The following CNBD1 variants were observed in gnomAD, a reference collection of about 807,000 sequenced individuals.
CNBD1 encodes cyclic nucleotide-binding domain-containing protein 1.
CNBD1 carries 71 observed loss-of-function variants against 54.4 expected under a neutral mutation model. The observed-to-expected ratio is 1.30, with a 90% CI of 1.08 to 1.59. The LOEUF is 1.59. CNBD1 is among the 40% of genes most tolerant of loss of function. The pLI, the probability that CNBD1 is intolerant of heterozygous loss-of-function variation, is 0.00. For missense variants in CNBD1, 659 were observed against 518.0 expected (o/e 1.27, Z -2.64); for synonymous variants, 182 against 170.7 (o/e 1.07, Z -0.51).
chr8:87,359,993 A>G (rs1267013265), intron 10 of CNBD1, among the ~76,000 whole-genome samples: 1 of 152,070 alleles, frequency 6.6e-6, no homozygotes, highest in Non-Finnish European at 1.5e-5. Context: ...TTTTAGAACT[A>G]TAAAGGTATT....
intron 4 of CNBD1, among the ~76,000 whole-genome samples, chr8:87,063,840 T>C (rs1035626766): frequency 4.6e-5 from 7 of 152,178 alleles, no homozygotes; most frequent in African/African-American, 1.7e-4. Context: ...GAATTATTTC[T>C]AGCAGTTTTA....
intron 2 of CNBD1, among the ~76,000 whole-genome samples, chr8:87,411,803 A>C (rs1807751053): frequency 6.6e-6 from 1 of 151,902 alleles, no homozygotes; most frequent in Non-Finnish European, 1.5e-5. Context: ...TTGATATGAT[A>C]AATGCCATCT....
At chr8:87,363,824 A>T (rs1209663327) in intron 10 of CNBD1, among the ~76,000 whole-genome samples, 2 of 152,018 alleles carry the variant, frequency 1.3e-5, no homozygotes, top group Non-Finnish European at 2.9e-5. Context: ...CTCTGATGAT[A>T]GTTTCTTTTG....
intron 2 of CNBD1, among the ~76,000 whole-genome samples, chr8:87,414,708 T>G (rs1807808477): frequency 1.3e-5 from 2 of 152,062 alleles, no homozygotes; most frequent in African/African-American, 4.8e-5. Context: ...TTGTTATGTA[T>G]TTTTCTTTAT....
intron 4 of CNBD1, among the ~76,000 whole-genome samples, chr8:86,951,754 C>T (rs1221080968): frequency 1.3e-5 from 2 of 151,524 alleles, no homozygotes; most frequent in Non-Finnish European, 2.9e-5. Flanking sequence ...GCTAAATTTT[C>T]TTTAATCATT....
At chr8:87,195,353 CA>C (rs1177353520) in intron 4 of CNBD1, among the ~76,000 whole-genome samples, 1 of 151,204 alleles carries the variant, frequency 6.6e-6, no homozygotes, top group Non-Finnish European at 1.5e-5. Context: ...CTCAGCCTCC[CA>C]AATAACTGGG....
chr8:87,145,559 T>A (rs564538184), intron 4 of CNBD1, among the ~76,000 whole-genome samples: 8 of 152,204 alleles, frequency 5.3e-5, no homozygotes, highest in Admixed American at 2.6e-4. Context: ...ATGATAAGTA[T>A]GAGAACAATT....
chr8:86,987,744 G>A (rs116626814), intron 4 of CNBD1, among the ~76,000 whole-genome samples: 42 of 152,152 alleles, frequency 2.8e-4, no homozygotes, highest in African/African-American at 7.7e-4. Flanking sequence ...GCTTTTCTGT[G>A]TCTATTGAGA....
intron 1 of CNBD1, among the ~76,000 whole-genome samples, chr8:86,876,124 AT>A (rs1808516616): frequency 6.6e-6 from 1 of 151,908 alleles, no homozygotes; most frequent in East Asian, 1.9e-4. Context: ...TGTCTCTTCC[AT>A]GAAGATTTGA....
chr8:87,212,629 A>G (rs1214598162), intron 5 of CNBD1, among the ~76,000 whole-genome samples: 1 of 152,210 alleles, frequency 6.6e-6, no homozygotes, highest in Non-Finnish European at 1.5e-5. Context: ...TCAACAAATT[A>G]TGCTTGGAGA....
chr8:87,405,904 GC>G (rs1807643530), intron 2 of CNBD1, among the ~76,000 whole-genome samples: 1 of 152,054 alleles, frequency 6.6e-6, no homozygotes, highest in East Asian at 1.9e-4. Context: ...ATTTAGCTCT[GC>G]CAAACACTAA....
chr8:87,382,501 T>G (rs1586067185), intron 10 of CNBD1, 119 bp from the exon 11 acceptor site: 2 of 697,362 alleles, frequency 2.9e-6, no homozygotes, highest in South Asian at 4.1e-5. Flanking sequence ...TTTTTTTCTT[T>G]TAAAGCATAA....
chr8:86,887,030 G>A (rs1028040152), intron 1 of CNBD1, among the ~76,000 whole-genome samples: 11 of 152,130 alleles, frequency 7.2e-5, no homozygotes, highest in African/African-American at 2.7e-4. Context: ...ATCTTTAGAA[G>A]GAATTGCAAA....
chr8:86,874,450 G>A (rs1808486251), intron 1 of CNBD1, among the ~76,000 whole-genome samples: 1 of 152,076 alleles, frequency 6.6e-6, no homozygotes, highest in Non-Finnish European at 1.5e-5. Flanking sequence ...CACTCTTGAT[G>A]ATATTCACTT....
chr8:87,095,571 A>G (rs1428739719), intron 4 of CNBD1, among the ~76,000 whole-genome samples: 1 of 152,236 alleles, frequency 6.6e-6, no homozygotes, highest in Non-Finnish European at 1.5e-5. Context: ...CCTGTTGGCA[A>G]TTGCCTGTTG....
At chr8:87,358,872 G>T (rs942178353) in intron 10 of CNBD1, among the ~76,000 whole-genome samples, 1 of 152,116 alleles carries the variant, frequency 6.6e-6, no homozygotes, top group African/African-American at 2.4e-5. Context: ...GGGAAAGATG[G>T]CCATCTTAGC....
chr8:87,317,734 A>G (rs1809420060), intron 8 of CNBD1, among the ~76,000 whole-genome samples: 1 of 151,890 alleles, frequency 6.6e-6, no homozygotes, highest in African/African-American at 2.4e-5. Flanking sequence ...TGGATGAGGT[A>G]TTAGTTTTTA....
At chr8:86,899,926 C>T (rs758217008) in intron 2 of CNBD1, among the ~76,000 whole-genome samples, 27 of 152,134 alleles carry the variant, frequency 1.8e-4, no homozygotes, top group Non-Finnish European at 3.8e-4. Context: ...CCCACCCATG[C>T]TCCTTCGTAT....
In CNBD1 at chr8:87,077,395, CTCT is replaced by C. The variant is rs1349567501; in HGVS notation, c.432-128581_432-128579del. ...AAAGACGGCTAACTAGCTCTTAGGC[CTCT>C]TCTTCTTCTTCTTCTTTTTTTTTTT... On this transcript the variant is annotated intron_variant, in intron 4 of 10. Coordinates refer to ENST00000518476, the MANE Select transcript of CNBD1 (RefSeq NM_173538.3). 2.7e-3 allele frequency among the ~76,000 whole-genome samples: 394 copies of C among 147,192 alleles called. 1 individual carries two copies. Among genetic ancestry groups the C allele is most frequent in the African/African-American group, 8.1e-3 (320 of 39,312 alleles).
Sources: gnomAD v4.1 joint callset for allele counts (sites outside exome capture counted in the v4.1 genomes callset) on GRCh38, gnomAD v4.1.1 for gene constraint, MANE v1.5 for transcripts, NCBI Gene and HGNC (gene_info 2026-07-23, HGNC 2026-07-21) for gene names.